Variants in SOX6 observed in about 807,000 individuals in gnomAD.
SOX6 encodes the protein transcription factor SOX-6.
Under a neutral mutation model 97.8 loss-of-function variants are expected in SOX6, and 11 were observed. The observed-to-expected ratio is 0.11, with a 90% confidence interval of 0.07 to 0.19. The LOEUF (loss-of-function observed/expected upper bound fraction) is 0.19. SOX6 is among the 10% of genes least tolerant of loss of function. SOX6 has a pLI of 1.00. For missense variants in SOX6, 810 were observed against 1,039.5 expected, an observed-to-expected ratio of 0.78 and a Z score of 3.04; for synonymous variants, 360 against 371.4, an observed-to-expected ratio of 0.97 and a Z score of 0.35.
intron 4 of SOX6, among the ~76,000 whole-genome samples, chr11:16,540,688 G>A (rs1861392460): frequency 6.6e-6 from 1 of 152,158 alleles, no homozygotes; most frequent in South Asian, 2.1e-4. Flanking sequence ...CAGACAATCA[G>A]AGAGCCAAAT....
At chr11:16,653,263 T>C (rs568749260) in intron 3 of SOX6, among the ~76,000 whole-genome samples, 50 of 152,286 alleles carry the variant, frequency 3.3e-4, no homozygotes, top group Non-Finnish European at 5.9e-4. Flanking sequence ...AATCCCACTA[T>C]TGGGTATCTA....
At chr11:16,584,376 G>C (rs938061539) in intron 4 of SOX6, among the ~76,000 whole-genome samples, 6 of 152,150 alleles carry the variant, frequency 3.9e-5, no homozygotes, top group African/African-American at 1.4e-4. Context: ...TGAAAGGCTT[G>C]TAACAACTAC....
At chr11:16,643,093 G>A (rs903043455) in intron 3 of SOX6, among the ~76,000 whole-genome samples, 1 of 152,124 alleles carries the variant, frequency 6.6e-6, no homozygotes, top group Non-Finnish European at 1.5e-5. Context: ...TGGGGTTTTG[G>A]TGTGGATGTC....
chr11:16,420,354 C>T (rs1440214995), intron 1 of SOX6, among the ~76,000 whole-genome samples: 1 of 152,092 alleles, frequency 6.6e-6, no homozygotes, highest in Non-Finnish European at 1.5e-5. Flanking sequence ...TAAACCCTTC[C>T]AACTTGAGAC....
chr11:16,295,591 C>T (rs1855054762), intron 3 of SOX6, among the ~76,000 whole-genome samples: 1 of 152,054 alleles, frequency 6.6e-6, no homozygotes, highest in South Asian at 2.1e-4. Flanking sequence ...AACAGAACTC[C>T]CTTCACAAAA....
intron 3 of SOX6, among the ~76,000 whole-genome samples, chr11:16,243,502 GT>G (rs545797740): frequency 2.6e-5 from 4 of 151,610 alleles, no homozygotes; most frequent in East Asian, 1.9e-4. Flanking sequence ...TATAAAACTA[GT>G]TTTTTTAATT....
At chr11:16,619,589 C>T (rs1848515213) in intron 3 of SOX6, among the ~76,000 whole-genome samples, 1 of 151,974 alleles carries the variant, frequency 6.6e-6, no homozygotes, top group African/African-American at 2.4e-5. Flanking sequence ...TCTAAATTTA[C>T]TTCTGATACT....
At chr11:16,724,392 G>A (rs1383279518) in intron 2 of SOX6, among the ~76,000 whole-genome samples, 1 of 151,912 alleles carries the variant, frequency 6.6e-6, no homozygotes, top group Non-Finnish European at 1.5e-5. Flanking sequence ...CATATGTAAG[G>A]AACACACTGG....
intron 3 of SOX6, among the ~76,000 whole-genome samples, chr11:16,654,664 A>C (rs187629161): frequency 6.6e-6 from 1 of 152,316 alleles, no homozygotes; most frequent in East Asian, 1.9e-4. Flanking sequence ...AATAATTAAA[A>C]ATTAATTTAA....
chr11:16,700,184 T>G (rs1848082390), intron 3 of SOX6, among the ~76,000 whole-genome samples: 1 of 152,074 alleles, frequency 6.6e-6, no homozygotes, highest in Non-Finnish European at 1.5e-5. Flanking sequence ...AAGCAAATTT[T>G]GAATGAAAAT....
chr11:16,691,183 T>C (rs1001938568), intron 3 of SOX6, among the ~76,000 whole-genome samples: 4 of 152,210 alleles, frequency 2.6e-5, no homozygotes, highest in African/African-American at 7.2e-5. Context: ...GTCTGAGAAT[T>C]GTTTCTGCAA....
chr11:16,338,447 T>C (rs1590137388), intron 2 of SOX6, among the ~76,000 whole-genome samples: 2 of 152,044 alleles, frequency 1.3e-5, no homozygotes, highest in South Asian at 4.1e-4. Flanking sequence ...GTAAGTGTTA[T>C]GGTACTTACA....
At chr11:16,254,240 T>C (rs968326385) in intron 3 of SOX6, among the ~76,000 whole-genome samples, 1 of 152,150 alleles carries the variant, frequency 6.6e-6, no homozygotes, top group Admixed American at 6.6e-5. Flanking sequence ...ATTATATAGT[T>C]TAGAAACTCA....
At chr11:16,368,745 T>C (rs1340009120) in intron 1 of SOX6, among the ~76,000 whole-genome samples, 1 of 152,068 alleles carries the variant, frequency 6.6e-6, no homozygotes, top group African/African-American at 2.4e-5. Flanking sequence ...TTCATCAAAT[T>C]AAAAACTTTT....
At chr11:16,450,478 A>G (rs1859696209) in intron 1 of SOX6, among the ~76,000 whole-genome samples, 1 of 152,226 alleles carries the variant, frequency 6.6e-6, no homozygotes. Context: ...TCTTCTGAAT[A>G]TAAGTGATTT....
chr11:16,562,437 C>T (rs190190763), intron 4 of SOX6, among the ~76,000 whole-genome samples: 10 of 152,196 alleles, frequency 6.6e-5, no homozygotes, highest in African/African-American at 2.2e-4. Context: ...TCTCTCTATC[C>T]CAAGGACCAG....
chr11:16,455,184 CAAAAT>C (rs1859789164), intron 1 of SOX6, among the ~76,000 whole-genome samples: 1 of 151,936 alleles, frequency 6.6e-6, no homozygotes, highest in Non-Finnish European at 1.5e-5. Flanking sequence ...AGAGCCAAAA[CAAAAT>C]AGTCTCAATT....
chr11:16,104,865 C>A (rs1045852398), intron 7 of SOX6, among the ~76,000 whole-genome samples: 3 of 151,948 alleles, frequency 2.0e-5, no homozygotes, highest in African/African-American at 4.8e-5. Flanking sequence ...CCTCAACAGA[C>A]CCATAACAAG....
At chr11:15,982,002 T>C (rs1314442210) in intron 15 of SOX6, among the ~76,000 whole-genome samples, 1 of 151,920 alleles carries the variant, frequency 6.6e-6, no homozygotes, top group Non-Finnish European at 1.5e-5. Context: ...ATTAAATGTT[T>C]CCCAAGGGCA....
Sources: allele counts gnomAD v4.1 joint callset (sites outside exome capture counted in the v4.1 genomes callset), GRCh38; gene constraint gnomAD v4.1.1; transcripts MANE v1.5; gene names NCBI Gene and HGNC (gene_info 2026-07-23, HGNC 2026-07-21).